Variants in DIS3L2 observed in about 807,000 individuals in gnomAD.
DIS3L2 encodes DIS3 like 3'-5' exoribonuclease 2, also known as DIS3-like exonuclease 2.
DIS3L2 carries 34 observed loss-of-function variants against 97.5 expected under a neutral mutation model. That is an observed-to-expected ratio of 0.35 (90% confidence interval 0.27 to 0.46). The LOEUF is 0.46. Ranked by LOEUF, DIS3L2 falls within the 20% of genes least tolerant of loss-of-function variation. The pLI is 1.00. For missense variants in DIS3L2, 1,038 were observed against 1,146.0 expected, an observed-to-expected ratio of 0.91 and a Z score of 1.36; for synonymous variants, 435 against 445.2, an observed-to-expected ratio of 0.98 and a Z score of 0.29.
At position 232,263,329 on chromosome 2, in the gene DIS3L2, T is replaced by C; in HGVS notation, c.1548T>C (p.Ile516=). Residue 516 remains isoleucine (I), a synonymous_variant, in exon 13 of 21, where the codon ATT becomes ATC. Coordinates refer to ENST00000325385, the MANE Select transcript of DIS3L2 (RefSeq NM_152383.5). ...TCCCTGCGAAAGAGCTGCCCCCCAT[T>C]TCCCCAGAGCATAGCAGCGAGGAGG... is the stretch of plus-strand genomic sequence containing the variant. ...EKIPAKELPP[I]SPEHSSEEVH... The C allele has an allele frequency of 6.2e-7, 1 of 1,614,106 alleles. No homozygotes were observed. Among genetic ancestry groups the C allele is most frequent in the Non-Finnish European group, 8.5e-7 (1 of 1,180,014 alleles).
chr2:232,222,218 C>T (rs1475817456), intron 10 of DIS3L2, among the ~76,000 whole-genome samples: 1 of 152,164 alleles, frequency 6.6e-6, no homozygotes, highest in African/African-American at 2.4e-5. Context: ...GCTGGGATTA[C>T]AGGCGTGAGC....
Position 232,280,552 on chromosome 2 carries a change from A to G in DIS3L2, c.1659+17112A>G, listed in dbSNP as rs190318836. Among the ~76,000 whole-genome samples, 347 of 152,370 alleles carry G rather than the reference A, an allele frequency of 2.3e-3. 3 individuals carry two copies. Among genetic ancestry groups the G allele is most frequent in the African/African-American group, 8.2e-3 (340 of 41,590 alleles). On this transcript the variant is annotated intron_variant, in intron 13 of 20. Transcript: ENST00000325385. ...CATAACTGAGAGGCTTTAAAAAATT[A>G]TAGTCAACAAGGCAGCTTGCTAGTT...
chr2:232,111,499 T>C (rs1697532115), intron 6 of DIS3L2, among the ~76,000 whole-genome samples: 1 of 152,188 alleles, frequency 6.6e-6, no homozygotes, highest in South Asian at 2.1e-4. Context: ...CAAGTTTTGC[T>C]TAGTATACTT....
chr2:232,320,898 C>G (rs1472260465), intron 14 of DIS3L2, among the ~76,000 whole-genome samples: 2 of 152,176 alleles, frequency 1.3e-5, no homozygotes, highest in Non-Finnish European at 2.9e-5. Flanking sequence ...CAGAGAAGGA[C>G]AGTCTGGATT....
chr2:232,139,985 C>G lies in DIS3L2; in HGVS notation c.950+3266C>G, dbSNP rs527510294. On this transcript the variant is annotated intron_variant, in intron 8 of 20. Transcript: ENST00000325385. ...CTTGGATGAACTTTCAGGGCTCTGACTAGGGGGAGTGGGTGGATGCTGATG... is the reference window on the plus strand; with the variant it reads ...CTTGGATGAACTTTCAGGGCTCTGAGTAGGGGGAGTGGGTGGATGCTGATG... 3.3e-4 allele frequency among the ~76,000 whole-genome samples: 50 copies of G among 152,116 alleles called. 1 individual carries two copies. The highest frequency in any genetic ancestry group is 5.2e-4 in the Admixed American group (8 of 15,254).
intron 1 of DIS3L2, among the ~76,000 whole-genome samples, chr2:231,983,439 G>A (rs1021481259): frequency 6.6e-6 from 1 of 152,154 alleles, no homozygotes; most frequent in African/African-American, 2.4e-5. Flanking sequence ...TTAGGAACTG[G>A]GCCACAACAG....
intron 12 of DIS3L2, among the ~76,000 whole-genome samples, chr2:232,257,348 CTCT>C (rs1280281691): frequency 6.6e-6 from 1 of 152,180 alleles, no homozygotes; most frequent in African/African-American, 2.4e-5. Context: ...ACCTGCCTCT[CTCT>C]GCTCTCTTCC....
intron 5 of DIS3L2, among the ~76,000 whole-genome samples, chr2:232,058,741 TATG>T (rs143714083): frequency 0.016 from 2,442 of 152,268 alleles, 23 homozygotes; most frequent in Non-Finnish European, 0.022. Context: ...GGACTCTGTA[TATG>T]TGTGAGTGGG....
chr2:232,117,994 G>A (rs752840007), intron 6 of DIS3L2, among the ~76,000 whole-genome samples: 19 of 152,308 alleles, frequency 1.2e-4, no homozygotes, highest in South Asian at 1.2e-3. Flanking sequence ...TGTAGTCAAG[G>A]TGTCAGTTTT....
intron 8 of DIS3L2, among the ~76,000 whole-genome samples, chr2:232,141,714 G>C (rs139560932): frequency 6.6e-5 from 10 of 152,168 alleles, no homozygotes; most frequent in East Asian, 1.9e-4. Flanking sequence ...TGGGAAGTAG[G>C]GGGTGGAGGT....
At chr2:232,297,273 A>G (rs1694745819) in intron 13 of DIS3L2, among the ~76,000 whole-genome samples, 1 of 152,144 alleles carries the variant, frequency 6.6e-6, no homozygotes, top group Admixed American at 6.5e-5. Flanking sequence ...TGGTGAAGTG[A>G]AGTTCACACA....
At chr2:232,300,247 T>A in intron 14 of DIS3L2, 128 bp downstream of exon 14, 1 of 803,012 alleles carries the variant, frequency 1.2e-6, no homozygotes, top group Non-Finnish European at 2.0e-6. Context: ...ACTACTATAC[T>A]AGAAAATAGC....
chr2:232,017,410 T>G (rs1694388367), intron 3 of DIS3L2, among the ~76,000 whole-genome samples: 1 of 152,186 alleles, frequency 6.6e-6, no homozygotes, highest in Non-Finnish European at 1.5e-5. Context: ...TATTGGTGTT[T>G]CTTTTTTTTA....
At chr2:232,224,821 G>A (rs1393027758) in intron 10 of DIS3L2, among the ~76,000 whole-genome samples, 1 of 149,064 alleles carries the variant, frequency 6.7e-6, no homozygotes, top group Non-Finnish European at 1.5e-5. Flanking sequence ...CTGGGCAACT[G>A]AGTGAGACTC....
intron 8 of DIS3L2, 69 bp from the exon 9 acceptor site, chr2:232,163,388 TAG>T (rs1690710989): frequency 6.6e-7 from 1 of 1,510,468 alleles, no homozygotes; most frequent in African/African-American, 1.4e-5. Context: ...ACTTTACTTT[TAG>T]AGAGGAGACA....
rs1032679656 is a variant in DIS3L2 at position 232,255,289 on chromosome 2, C to T, written c.1425+5943C>T. The stretch of plus-strand genomic sequence containing the variant: ...TGCATGCAGTGGTGACTTCTCTTGG[C>T]GTAAAGGTTTGGACTTAGAAGGAGT... On this transcript the variant is annotated intron_variant, in intron 12 of 20. Coordinates refer to ENST00000325385, the MANE Select transcript of DIS3L2 (RefSeq NM_152383.5). Among the ~76,000 whole-genome samples, 9 of 152,286 alleles carry T rather than the reference C, an allele frequency of 5.9e-5. No homozygotes were observed. In the East Asian group the frequency reaches 1.3e-3, roughly 23 times the overall value.
chr2:232,208,832 A>G (rs1692105427), intron 9 of DIS3L2, among the ~76,000 whole-genome samples: 2 of 152,122 alleles, frequency 1.3e-5, no homozygotes, highest in South Asian at 4.1e-4. Flanking sequence ...GTTTGAGATC[A>G]GCCTGGGGAA....
At chr2:232,279,899 C>T (rs1042257433) in intron 13 of DIS3L2, among the ~76,000 whole-genome samples, 4 of 152,156 alleles carry the variant, frequency 2.6e-5, no homozygotes, top group African/African-American at 9.7e-5. Context: ...ATACTTTCTC[C>T]TAGTCTTTGG....
Position 232,297,549 on chromosome 2 carries a change from C to T in DIS3L2, c.1660-2491C>T, listed in dbSNP as rs538117780. Among the ~76,000 whole-genome samples, 5 of 152,260 alleles carry T rather than the reference C, an allele frequency of 3.3e-5. No homozygotes were observed. In the East Asian group the frequency reaches 7.7e-4, roughly 23 times the overall value. On this transcript the variant is annotated intron_variant, in intron 13 of 20. Coordinates refer to ENST00000325385, the MANE Select transcript of DIS3L2 (RefSeq NM_152383.5). The stretch of plus-strand genomic sequence containing the variant: ...GGAGGGCTTAGAATTCTGTAAGAAT[C>T]ACCAGTCATAAAATAAGGAGGAAAA...
Sources: gnomAD v4.1 joint callset for allele counts (sites outside exome capture counted in the v4.1 genomes callset) on GRCh38, gnomAD v4.1.1 for gene constraint, MANE v1.5 for transcripts, NCBI Gene and HGNC (gene_info 2026-07-23, HGNC 2026-07-21) for gene names.